Variants in SYN1 observed in about 807,000 individuals in gnomAD.
The protein encoded by SYN1 is synapsin-1.
SYN1 carries 8 observed loss-of-function variants against 44.6 expected under a neutral mutation model. The observed-to-expected ratio is 0.18, with a 90% CI of 0.11 to 0.32. SYN1 has a LOEUF of 0.32. Among genes scored for constraint, SYN1 ranks in the 10% least tolerant of loss-of-function variants. The pLI, the probability that SYN1 is intolerant of heterozygous loss-of-function variation, is 1.00. For missense variants in SYN1, 451 were observed against 639.4 expected (o/e 0.71, Z 3.18); for synonymous variants, 275 against 280.1 (o/e 0.98, Z 0.18).
rs1034104846 is a variant in SYN1 at position 47,576,712 on chromosome X, G to T, written c.838-72C>A. On this transcript the variant is annotated intron_variant, in intron 6 of 12. Coordinates refer to ENST00000295987, the MANE Select transcript of SYN1 (RefSeq NM_006950.3). Reference sequence around the variant, plus strand: ...CTGTGGGGAGTGGGGGTGCCTGGGGGAGCATGTATACATGACACACAGGTG... The same window carrying T: ...CTGTGGGGAGTGGGGGTGCCTGGGGTAGCATGTATACATGACACACAGGTG... 5 of 1,171,534 alleles carry T rather than the reference G, an allele frequency of 4.3e-6. No homozygotes were observed. The African/African-American group carries it at 7.1e-5, about 17-fold the overall frequency.
chrX:47,604,151 C>T lies in SYN1; in HGVS notation c.774+827G>A, dbSNP rs775214054. ...CTCAAACTCCCGACCTCAGGTGATC[C>T]GCCCACTTCGGCCTCCCGAAGTGTT... On this transcript the variant is annotated intron_variant, in intron 5 of 12. Coordinates refer to ENST00000295987, the MANE Select transcript of SYN1 (RefSeq NM_006950.3). Among the ~76,000 whole-genome samples, 396 of 110,726 alleles carry T rather than the reference C, an allele frequency of 3.6e-3. 3 individuals are homozygous for T. The highest frequency in any genetic ancestry group is 0.014 in the Middle Eastern group (3 of 216).
chrX:47,607,090 T>A, intron 2 of SYN1, 51 bp downstream of exon 2: 1 of 1,206,187 alleles, frequency 8.3e-7, no homozygotes, highest in Non-Finnish European at 1.1e-6. Flanking sequence ...AAATGGCCAC[T>A]CAGTTTGCAG....
At chrX:47,586,744 T>A (rs1603060563) in intron 5 of SYN1, 1 of 1,156,894 alleles carries the variant, frequency 8.6e-7, no homozygotes, top group East Asian at 3.0e-5. Flanking sequence ...CTGTTCCCAC[T>A]CCCATCTTTC....
chrX:47,582,487 C>T, intron 5 of SYN1: 1 of 295,990 alleles, frequency 3.4e-6, no homozygotes, highest in Non-Finnish European at 6.9e-6. Context: ...AAGCAGGGCC[C>T]GGGGTGGCCC....
chrX:47,597,939 T>A (rs373578895), intron 5 of SYN1, among the ~76,000 whole-genome samples: 2 of 112,525 alleles, frequency 1.8e-5, no homozygotes, highest in African/African-American at 6.4e-5. Flanking sequence ...AGCAAAATTA[T>A]CTTTCAAAAA....
At chrX:47,588,977 T>A (rs2057837359) in intron 5 of SYN1, among the ~76,000 whole-genome samples, 1 of 111,059 alleles carries the variant, frequency 9.0e-6, no homozygotes, top group South Asian at 3.9e-4. Context: ...CGGGGTGTCT[T>A]TGCCCCTTGG....
At chrX:47,593,075 G>C (rs1326408247) in intron 5 of SYN1, among the ~76,000 whole-genome samples, 1 of 109,056 alleles carries the variant, frequency 9.2e-6, no homozygotes, top group African/African-American at 3.4e-5. Flanking sequence ...TTGTTTTTTT[G>C]ATAGAGATGG....
At chrX:47,584,078 C>G (rs2057811794) in intron 5 of SYN1, among the ~76,000 whole-genome samples, 1 of 111,142 alleles carries the variant, frequency 9.0e-6, no homozygotes, top group Non-Finnish European at 1.9e-5. Context: ...GAAGAAACAT[C>G]AGGGGTAAGG....
chrX:47,593,272 CTTT>C (rs759476078), intron 5 of SYN1, among the ~76,000 whole-genome samples: 1 of 78,992 alleles, frequency 1.3e-5, no homozygotes. Flanking sequence ...ATGGTCTATG[CTTT>C]TTTTTTTTTT....
intron 3 of SYN1, 64 bp from the exon 4 acceptor site, chrX:47,605,443 A>G: frequency 8.6e-7 from 1 of 1,166,507 alleles, no homozygotes; most frequent in Non-Finnish European, 1.2e-6. Flanking sequence ...TCTCGAAACA[A>G]AGACCAAGTT....
chrX:47,595,408 C>T (rs1356840758), intron 5 of SYN1, among the ~76,000 whole-genome samples: 2 of 111,595 alleles, frequency 1.8e-5, no homozygotes, highest in African/African-American at 6.5e-5. Context: ...AGAAGTAGGG[C>T]TTAGTCCTGT....
intron 5 of SYN1, among the ~76,000 whole-genome samples, chrX:47,594,729 C>CTTTTTT (rs369921621): frequency 5.3e-5 from 5 of 93,986 alleles, no homozygotes; most frequent in East Asian, 3.4e-4. Flanking sequence ...CTTTTCTTTT[C>CTTTTTT]TTTTTTTTTT....
rs2147933515 is a variant in SYN1, at chrX:47,619,615, G to A, written c.114C>T (p.His38=). 2.6e-6 allele frequency: 3 copies of A among 1,158,742 alleles called. No individual in the cohort carries two copies. The highest frequency in any genetic ancestry group is 3.5e-6 in the Non-Finnish European group (3 of 868,802). ...PQPPPPPPGA[H]SPGATPGPGT... The stretch of plus-strand genomic sequence containing the variant: ...CGGGACCGGGCGTGGCTCCGGGGCT[G>A]TGGGCACCGGGCGGCGGTGGGGGCG... The change falls in exon 1 of 13, where the codon CAC becomes CAT. Residue 38 remains histidine, a synonymous_variant. Coordinates refer to ENST00000295987, the MANE Select transcript of SYN1 (RefSeq NM_006950.3).
At chrX:47,580,866 G>A (rs763886656) in intron 5 of SYN1, among the ~76,000 whole-genome samples, 5 of 110,366 alleles carry the variant, frequency 4.5e-5, no homozygotes, top group Non-Finnish European at 9.5e-5. Context: ...CCCCGGAGGC[G>A]GAGGTTGCAG....
Position 47,619,832 on chromosome X carries a change from G to C in SYN1, c.-104C>G, listed in dbSNP as rs1338468476. ...ACAGCTGCGCTCTCAGGCACGACAC[G>C]ACTCCTCCGCTGCCCACCGCAGACT... On this transcript the variant is annotated 5_prime_UTR_variant, in exon 1 of 13. Coordinates refer to ENST00000295987, the MANE Select transcript of SYN1 (RefSeq NM_006950.3). 1.1e-6 allele frequency: 1 copy of C among 901,758 alleles called. No individual in the cohort carries two copies. Among genetic ancestry groups the C allele is most frequent in the African/African-American group, 2.0e-5 (1 of 49,119 alleles). The allele number at this position is 901,758 out of a possible 1,213,427, so 74.3% of individuals were successfully genotyped here.
intron 6 of SYN1, 40 bp downstream of exon 6, chrX:47,577,399 A>C: frequency 8.5e-7 from 1 of 1,182,053 alleles, no homozygotes. Context: ...GCATTGCACA[A>C]ATACACATCT....
At chrX:47,592,025 C>T (rs1420095219) in intron 5 of SYN1, among the ~76,000 whole-genome samples, 2 of 111,474 alleles carry the variant, frequency 1.8e-5, no homozygotes, top group Admixed American at 1.9e-4. Context: ...ATTCATGGGT[C>T]AGCATCACAC....
intron 5 of SYN1, among the ~76,000 whole-genome samples, chrX:47,602,467 C>A (rs1469435265): frequency 9.0e-6 from 1 of 111,216 alleles, no homozygotes; most frequent in African/African-American, 3.3e-5. Flanking sequence ...CATGGTGAAA[C>A]CCCTTTTCTA....
intron 5 of SYN1, among the ~76,000 whole-genome samples, chrX:47,593,652 C>A (rs2057855195): frequency 8.9e-6 from 1 of 111,864 alleles, no homozygotes; most frequent in Non-Finnish European, 1.9e-5. Context: ...TTCTGTGGAA[C>A]AATTTATGTG....
Sources: allele counts gnomAD v4.1 joint callset (sites outside exome capture counted in the v4.1 genomes callset), GRCh38; gene constraint gnomAD v4.1.1; transcripts MANE v1.5; gene names NCBI Gene and HGNC (gene_info 2026-07-23, HGNC 2026-07-21).